The following PARD3 variants were observed in gnomAD, a reference collection of about 807,000 sequenced individuals.
The protein encoded by PARD3 is par-3 family cell polarity regulator, also known as partitioning defective 3 homolog.
Under a neutral mutation model 155.4 loss-of-function variants are expected in PARD3, and 75 were observed. The observed-to-expected ratio is 0.48, with a 90% CI of 0.40 to 0.58. The LOEUF (loss-of-function observed/expected upper bound fraction) is 0.58, where lower values mean the gene tolerates loss of function less well. Among genes scored for constraint, PARD3 ranks in the 20% least tolerant of loss-of-function variants. PARD3 has a pLI of 0.00. For missense variants in PARD3, 1,642 were observed against 1,721.7 expected, an observed-to-expected ratio of 0.95 and a Z score of 0.82; for synonymous variants, 576 against 610.5, an observed-to-expected ratio of 0.94 and a Z score of 0.83.
intron 6 of PARD3, among the ~76,000 whole-genome samples, chr10:34,399,906 C>T (rs1843714895): frequency 6.6e-6 from 1 of 152,160 alleles, no homozygotes; most frequent in African/African-American, 2.4e-5. Context: ...ACAAAGTGCT[C>T]TTTTATATGT....
intron 2 of PARD3, among the ~76,000 whole-genome samples, chr10:34,612,771 C>T (rs543455851): frequency 6.6e-6 from 1 of 152,268 alleles, no homozygotes; most frequent in Non-Finnish European, 1.5e-5. Flanking sequence ...CATAGCAATG[C>T]TGCAAGATGG....
intron 2 of PARD3, among the ~76,000 whole-genome samples, chr10:34,651,583 CA>C (rs2093015434): frequency 6.6e-6 from 1 of 152,180 alleles, no homozygotes; most frequent in Non-Finnish European, 1.5e-5. Flanking sequence ...GCAGTGAAGA[CA>C]AAAACCATAA....
intron 22 of PARD3, among the ~76,000 whole-genome samples, chr10:34,137,584 G>A (rs1286331209): frequency 6.6e-6 from 1 of 152,236 alleles, no homozygotes; most frequent in Non-Finnish European, 1.5e-5. Flanking sequence ...CTCCATTGTT[G>A]TTGGCCTTGG....
chr10:34,692,103 G>A lies in PARD3; in HGVS notation c.222+4215C>T, dbSNP rs192778880. Among the ~76,000 whole-genome samples the A allele has an allele frequency of 3.5e-3, 530 of 152,068 alleles. 2 individuals are homozygous for A. Among genetic ancestry groups the A allele is most frequent in the African/African-American group, 0.012 (506 of 41,482 alleles). On this transcript the variant is annotated intron_variant, in intron 2 of 24. Coordinates refer to ENST00000374788, the MANE Select transcript of PARD3 (RefSeq NM_001184785.2). ...AAAAATTAGCCAGGCATGGTGACGTGCACCTGTAATCCCAGCTACTCAGGA... is the reference window on the plus strand; with the variant it reads ...AAAAATTAGCCAGGCATGGTGACGTACACCTGTAATCCCAGCTACTCAGGA...
intron 4 of PARD3, among the ~76,000 whole-genome samples, chr10:34,463,997 C>A (rs981214333): frequency 6.6e-6 from 1 of 152,066 alleles, no homozygotes; most frequent in Non-Finnish European, 1.5e-5. Context: ...AGGATGAAAT[C>A]GCCTAACAAT....
At chr10:34,377,083 G>A (rs1429418588) in intron 10 of PARD3, among the ~76,000 whole-genome samples, 1 of 151,990 alleles carries the variant, frequency 6.6e-6, no homozygotes, top group Non-Finnish European at 1.5e-5. Context: ...TTTCTTTCCT[G>A]ACATTTGACT....
intron 2 of PARD3, among the ~76,000 whole-genome samples, chr10:34,545,944 A>G (rs2084010249): frequency 6.6e-6 from 1 of 152,208 alleles, no homozygotes; most frequent in East Asian, 1.9e-4. Context: ...CCAAAACATT[A>G]ACATAGTATA....
At chr10:34,699,259 A>G (rs2133513690) in intron 1 of PARD3, among the ~76,000 whole-genome samples, 1 of 152,346 alleles carries the variant, frequency 6.6e-6, no homozygotes, top group African/African-American at 2.4e-5. Context: ...TGCTGAATGG[A>G]TATGACGTTT....
chr10:34,139,693 A>C (rs553163116), intron 22 of PARD3, among the ~76,000 whole-genome samples: 2 of 152,338 alleles, frequency 1.3e-5, no homozygotes, highest in Non-Finnish European at 2.9e-5. Context: ...CCAGCGTCTC[A>C]GATCATTAAG....
At chr10:34,328,017 A>T (rs374270466) in intron 19 of PARD3, among the ~76,000 whole-genome samples, 4 of 152,162 alleles carry the variant, frequency 2.6e-5, no homozygotes, top group East Asian at 1.9e-4. Context: ...GACGCTGAAA[A>T]TGGTGTGGTT....
chr10:34,678,048 T>C (rs117726181), intron 2 of PARD3, among the ~76,000 whole-genome samples: 11,395 of 152,094 alleles, frequency 0.075, 571 homozygotes, highest in Non-Finnish European at 0.11. Context: ...TTAAAAAATG[T>C]TTTTTTAATT....
rs534790658 is a variant in PARD3, at chr10:34,739,042, C to A, written c.121-42623G>T. ...CTAGCAGAAAGTAACTCACTTTCTC[C>A]GTTTTGTTTAAGGGATCACCTCCTT... On this transcript the variant is annotated intron_variant, in intron 1 of 24. Coordinates refer to ENST00000374788, the MANE Select transcript of PARD3 (RefSeq NM_001184785.2). 1.2e-4 allele frequency among the ~76,000 whole-genome samples: 18 copies of A among 152,222 alleles called. No individual in the cohort carries two copies. The East Asian group carries it at 3.5e-3, about 29-fold the overall frequency.
At chr10:34,534,377 G>A (rs187029744) in intron 2 of PARD3, among the ~76,000 whole-genome samples, 22 of 152,178 alleles carry the variant, frequency 1.4e-4, no homozygotes, top group Admixed American at 1.3e-3. Context: ...AAGGACGGGC[G>A]TGCCTCTCAG....
At chr10:34,473,389 T>C (rs147132650) in intron 3 of PARD3, among the ~76,000 whole-genome samples, 2 of 152,050 alleles carry the variant, frequency 1.3e-5, no homozygotes, top group East Asian at 1.9e-4. Flanking sequence ...CAAAACCCAA[T>C]AAAACAAGTC....
chr10:34,325,720 AGT>A (rs1834941564), intron 19 of PARD3, among the ~76,000 whole-genome samples: 1 of 152,202 alleles, frequency 6.6e-6, no homozygotes, highest in Admixed American at 6.5e-5. Flanking sequence ...TCTGTTTGGA[AGT>A]GTGTTTCATA....
At position 34,149,037 on chromosome 10, in the gene PARD3, G is replaced by C. The variant is rs188930664; in HGVS notation, c.3420-17454C>G. ...GACAGAAAATGCTGTCAATTAAAAT[G>C]CCATTGTATAATAAGTATCTTGATA... is the stretch of plus-strand genomic sequence containing the variant. On this transcript the variant is annotated intron_variant, in intron 22 of 24. Transcript: ENST00000374788. 5.3e-3 allele frequency among the ~76,000 whole-genome samples: 807 copies of C among 152,202 alleles called. 7 individuals carry two copies. Among genetic ancestry groups the C allele is most frequent in the African/African-American group, 0.019 (771 of 41,530 alleles).
rs766656338 is a variant in PARD3, at chr10:34,378,013, G to A, written c.1493C>T (p.Ala498Val). 10 of 1,583,832 alleles carry A rather than the reference G, an allele frequency of 6.3e-6. No homozygotes were observed. The South Asian group carries it at 6.9e-5, about 11-fold the overall frequency. Residue 498 changes from alanine to valine, a missense_variant, in exon 10 of 25, where the codon GCG becomes GTG. Physicochemically the swap from Ala to Val is moderately conservative, Grantham distance 64 (BLOSUM62 0). Coordinates refer to ENST00000374788, the MANE Select transcript of PARD3 (RefSeq NM_001184785.2). ...IYVKNILPRGAAIQDGRLKAG... is the reference protein window; with the variant it reads ...IYVKNILPRGVAIQDGRLKAG... Reference sequence around the variant, plus strand: ...CTTAAGTCGGCCATCCTGAATGGCCGCCCCCCGGGGGAGAATGTTTTTCAC... The same window carrying A: ...CTTAAGTCGGCCATCCTGAATGGCCACCCCCCGGGGGAGAATGTTTTTCAC...
intron 1 of PARD3, among the ~76,000 whole-genome samples, chr10:34,716,397 G>C (rs1353098068): frequency 6.6e-6 from 1 of 152,058 alleles, no homozygotes; most frequent in Non-Finnish European, 1.5e-5. Context: ...TGGGAACTCA[G>C]GCAAAACATA....
At chr10:34,323,997 T>C (rs1014773731) in intron 19 of PARD3, among the ~76,000 whole-genome samples, 2 of 152,220 alleles carry the variant, frequency 1.3e-5, no homozygotes, top group African/African-American at 4.8e-5. Flanking sequence ...TTCCTAACCC[T>C]ACAGTTGGAA....
Sources: allele counts gnomAD v4.1 joint callset (sites outside exome capture counted in the v4.1 genomes callset), GRCh38; gene constraint gnomAD v4.1.1; transcripts MANE v1.5; gene names NCBI Gene and HGNC (gene_info 2026-07-23, HGNC 2026-07-21).